Variants in NALCN observed in about 807,000 individuals in gnomAD.
NALCN encodes sodium leak channel, non-selective, also known as sodium leak channel NALCN.
Under a neutral mutation model 225.3 loss-of-function variants are expected in NALCN, and 111 were observed. The ratio of observed to expected loss-of-function variants is 0.49; its 90% confidence interval spans 0.42 to 0.58. The LOEUF (loss-of-function observed/expected upper bound fraction) is 0.58. NALCN is among the 20% of genes least tolerant of loss of function. The probability of loss-of-function intolerance (pLI) is 0.00; values close to 1 mark genes in which losing one functional copy is unlikely to be tolerated. For synonymous variants in NALCN, 764 were observed against 769.0 expected, an observed-to-expected ratio of 0.99 and a Z score of 0.11; for missense variants, 1,378 against 2,202.4, an observed-to-expected ratio of 0.63 and a Z score of 7.49.
chr13:101,176,406 C>T, intron 14 of NALCN, 32 bp from the exon 15 acceptor site: 1 of 1,511,274 alleles, frequency 6.6e-7, no homozygotes, highest in African/African-American at 1.4e-5. Flanking sequence ...ATGAAAAAAC[C>T]CACATGCCAT....
At chr13:101,233,731 T>G (rs1370633924) in intron 12 of NALCN, among the ~76,000 whole-genome samples, 1 of 152,114 alleles carries the variant, frequency 6.6e-6, no homozygotes, top group Non-Finnish European at 1.5e-5. Flanking sequence ...ATACAGTCCT[T>G]ATCTTAGGGC....
intron 18 of NALCN, among the ~76,000 whole-genome samples, chr13:101,111,862 A>C (rs145898905): frequency 0.022 from 3,278 of 152,296 alleles, 57 homozygotes; most frequent in Middle Eastern, 0.044. Flanking sequence ...GCCCAGTCTC[A>C]GGTATGTCTT....
chr13:101,360,389 T>C (rs751681069), intron 6 of NALCN, among the ~76,000 whole-genome samples: 1 of 151,952 alleles, frequency 6.6e-6, no homozygotes, highest in Non-Finnish European at 1.5e-5. Context: ...CACAGTACCA[T>C]TCCCAGCTAT....
intron 11 of NALCN, among the ~76,000 whole-genome samples, chr13:101,249,365 G>T (rs1465589779): frequency 6.6e-6 from 1 of 152,148 alleles, no homozygotes; most frequent in Non-Finnish European, 1.5e-5. Context: ...TGGTGTTCCA[G>T]AGGGACTTTA....
At chr13:101,069,349 C>T (rs2032672207) in intron 37 of NALCN, among the ~76,000 whole-genome samples, 2 of 152,214 alleles carry the variant, frequency 1.3e-5, no homozygotes, top group South Asian at 2.1e-4. Context: ...ATGTTTATAC[C>T]ATACTGTGGC....
chr13:101,212,820 G>C (rs2040576388), intron 13 of NALCN, among the ~76,000 whole-genome samples: 1 of 152,000 alleles, frequency 6.6e-6, no homozygotes, highest in South Asian at 2.1e-4. Context: ...TCCATCTGAA[G>C]TCTTATCCAT....
At chr13:101,337,972 T>A (rs943341427) in intron 7 of NALCN, among the ~76,000 whole-genome samples, 1 of 152,274 alleles carries the variant, frequency 6.6e-6, no homozygotes, top group East Asian at 1.9e-4. Flanking sequence ...ATGGGCTGAT[T>A]TTGAGGATTA....
chr13:101,148,012 AGCT>A (rs1172522346), intron 15 of NALCN, among the ~76,000 whole-genome samples: 2 of 152,106 alleles, frequency 1.3e-5, no homozygotes, highest in Non-Finnish European at 2.9e-5. Flanking sequence ...TCCTCTTACA[AGCT>A]CATAACATGG....
intron 14 of NALCN, among the ~76,000 whole-genome samples, chr13:101,190,629 C>T (rs549682416): frequency 6.6e-6 from 1 of 152,312 alleles, no homozygotes; most frequent in African/African-American, 2.4e-5. Context: ...GACTTCACAC[C>T]ATGTAACAAT....
At chr13:101,404,616 C>T (rs893617479) in intron 1 of NALCN, among the ~76,000 whole-genome samples, 2 of 152,218 alleles carry the variant, frequency 1.3e-5, no homozygotes, top group African/African-American at 4.8e-5. Context: ...GGTGCTTACT[C>T]TCCAAGAGGA....
chr13:101,277,857 C>T (rs1453995271), intron 10 of NALCN, among the ~76,000 whole-genome samples: 1 of 152,206 alleles, frequency 6.6e-6, no homozygotes, highest in African/African-American at 2.4e-5. Context: ...AGTTGGGAAA[C>T]TGAGGCACAA....
intron 12 of NALCN, among the ~76,000 whole-genome samples, chr13:101,235,223 G>A (rs1214890044): frequency 1.3e-5 from 2 of 151,922 alleles, no homozygotes; most frequent in African/African-American, 2.4e-5. Context: ...TTCCTCAAAT[G>A]TTTGTCATTT....
chr13:101,414,393 A>C (rs1179533876), intron 1 of NALCN, among the ~76,000 whole-genome samples: 1 of 151,802 alleles, frequency 6.6e-6, no homozygotes, highest in African/African-American at 2.4e-5. Flanking sequence ...TGTAGATGTG[A>C]ATTTTCATTC....
At position 101,229,503 on chromosome 13, in the gene NALCN, GC is replaced by G. The variant is rs1345865008; in HGVS notation, c.1515del (p.Lys505AsnfsTer13). On this transcript the variant is annotated frameshift_variant, in exon 13 of 44. Coordinates refer to ENST00000251127, the MANE Select transcript of NALCN (RefSeq NM_052867.4). LOFTEE classifies it high-confidence loss of function. ...FVYKIFGPGK[K>X]LGSLVVFTAS... ...GCAGTAAATACAACCAAACTCCCAA[GC>G]TTTTTTCCAGGACCAAATATCTTGT... The G allele has an allele frequency of 6.2e-7, 1 of 1,611,928 alleles. No individual in the cohort carries two copies. Among genetic ancestry groups the G allele is most frequent in the Non-Finnish European group, 8.5e-7 (1 of 1,179,172 alleles).
intron 7 of NALCN, among the ~76,000 whole-genome samples, chr13:101,332,485 C>T (rs1008108135): frequency 4.8e-5 from 7 of 144,636 alleles, no homozygotes; most frequent in Non-Finnish European, 1.0e-4. Flanking sequence ...CAGAATACAA[C>T]GAACATATCT....
intron 13 of NALCN, among the ~76,000 whole-genome samples, chr13:101,228,718 T>C (rs887443013): frequency 6.6e-6 from 1 of 152,250 alleles, no homozygotes; most frequent in African/African-American, 2.4e-5. Context: ...AGTGTAAGAA[T>C]GGACTAATAC....
chr13:101,281,952 T>G (rs550624), intron 10 of NALCN, among the ~76,000 whole-genome samples: 1 of 152,044 alleles, frequency 6.6e-6, no homozygotes, highest in Non-Finnish European at 1.5e-5. Flanking sequence ...TTAAACCACA[T>G]TGAGATATCA....
At chr13:101,160,108 C>T (rs2038099098) in intron 15 of NALCN, among the ~76,000 whole-genome samples, 1 of 152,030 alleles carries the variant, frequency 6.6e-6, no homozygotes, top group Non-Finnish European at 1.5e-5. Flanking sequence ...GTACACACCA[C>T]CATGCCTGAC....
chr13:101,310,063 T>C (rs1372515045), intron 7 of NALCN, among the ~76,000 whole-genome samples: 1 of 152,120 alleles, frequency 6.6e-6, no homozygotes, highest in East Asian at 1.9e-4. Flanking sequence ...ATATTCAGCA[T>C]CTTCTGTGAC....
Sources: gnomAD v4.1 joint callset for allele counts (sites outside exome capture counted in the v4.1 genomes callset) on GRCh38, gnomAD v4.1.1 for gene constraint, MANE v1.5 for transcripts, NCBI Gene and HGNC (gene_info 2026-07-23, HGNC 2026-07-21) for gene names.